CD164: variants seen among roughly 807,000 people sequenced by gnomAD.
The protein encoded by CD164 is sialomucin core protein 24.
CD164 carries 11 observed loss-of-function variants against 24.6 expected under a neutral mutation model. That is an observed-to-expected ratio of 0.45 (90% confidence interval 0.28 to 0.74). The LOEUF is 0.74. Among genes scored for constraint, CD164 ranks in the 30% least tolerant of loss-of-function variants. The pLI is 0.13. For missense variants in CD164, 295 were observed against 243.7 expected (o/e 1.21, Z -1.40); for synonymous variants, 126 against 100.3 (o/e 1.26, Z -1.53).
chr6:109,374,301 C>G (rs1771274743), intron 4 of CD164, among the ~76,000 whole-genome samples: 1 of 152,182 alleles, frequency 6.6e-6, no homozygotes, highest in Non-Finnish European at 1.5e-5. Flanking sequence ...TTCTAGGTAT[C>G]TTAAACTAAA....
At position 109,378,083 on chromosome 6, in the gene CD164, AG is replaced by A; in HGVS notation, c.260-113del. ...AAACCCAAACACTTTAGAAGTGGGC[AG>A]GGGGAACCACTTTAGGTGTTTTGAC... On this transcript the variant is annotated intron_variant, in intron 2 of 5. Coordinates refer to ENST00000310786, the MANE Select transcript of CD164 (RefSeq NM_006016.6). 3.7e-6 allele frequency: 3 copies of A among 812,638 alleles called. No individual in the cohort carries two copies. The South Asian group carries it at 4.7e-5, about 13-fold the overall frequency. The allele number at this position is 812,638 out of a possible 1,614,324, so 50.3% of individuals were successfully genotyped here. A position where few individuals can be genotyped will look rare whatever the true frequency, so the allele number is the denominator to read the frequency against.
intron 4 of CD164, chr6:109,371,850 T>C (rs1376200841): frequency 1.3e-5 from 2 of 152,530 alleles, no homozygotes; most frequent in Non-Finnish European, 2.9e-5. Context: ...AGGGCTTCAA[T>C]ATGAGGATAT....
Position 109,379,682 on chromosome 6 carries a change from G to C in CD164, c.176-20C>G. ...AGGTTTCTGGGGAGTTGGGGGGAGA[G>C]ATGCATGAAATCAATGATTTTATTA... On this transcript the variant is annotated intron_variant, in intron 1 of 5. Transcript: ENST00000310786. 2 of 1,575,130 alleles carry C rather than the reference G, an allele frequency of 1.3e-6. No individual in the cohort carries two copies. The highest frequency in any genetic ancestry group is 1.7e-6 in the Non-Finnish European group (2 of 1,150,426).
At chr6:109,369,727 G>A (rs894187403) in intron 5 of CD164, among the ~76,000 whole-genome samples, 2 of 152,030 alleles carry the variant, frequency 1.3e-5, no homozygotes, top group Non-Finnish European at 2.9e-5. Context: ...ATTCCTTCTC[G>A]TGAAGACAGA....
chr6:109,376,013 A>T (rs574817915), intron 4 of CD164, 61 bp downstream of exon 4: 1 of 1,224,088 alleles, frequency 8.2e-7, no homozygotes, highest in East Asian at 2.5e-5. Flanking sequence ...TTTAAAACTA[A>T]TCCATCAAGA....
rs1771773031 is a variant in CD164, at chr6:109,381,906, G to A, written c.175+298C>T. ...CACGTCCCCATTTCCGACCCCAAGT[G>A]AGGCTAGGAATTACGATGCACTTTT... On this transcript the variant is annotated intron_variant, in intron 1 of 5. Transcript: ENST00000310786. 6.4e-6 allele frequency: 3 copies of A among 466,060 alleles called. 1 individual carries two copies. The highest frequency in any genetic ancestry group is 6.0e-5 in the South Asian group (2 of 33,430). The allele number at this position is 466,060 out of a possible 1,614,324, so 28.9% of individuals were successfully genotyped here.
chr6:109,372,806 CA>C (rs563530958), intron 4 of CD164: 221 of 152,184 alleles, frequency 1.5e-3, no homozygotes, highest in African/African-American at 5.2e-3. Flanking sequence ...ACACTATTAC[CA>C]ATTGTTTGAC....
intron 4 of CD164, among the ~76,000 whole-genome samples, chr6:109,375,650 CA>C (rs1771359793): frequency 7.2e-6 from 1 of 138,564 alleles, no homozygotes; most frequent in Non-Finnish European, 1.5e-5. Context: ...AAAAGAAATA[CA>C]AAGGTGCATG....
intron 4 of CD164, chr6:109,370,729 G>A: frequency 5.9e-6 from 2 of 336,906 alleles, no homozygotes; most frequent in African/African-American, 2.2e-5. Context: ...TATACATCTG[G>A]ATAAAATTTG....
Position 109,368,780 on chromosome 6 carries a change from A to T in CD164, c.*71T>A. The T allele has an allele frequency of 6.5e-7, 1 of 1,533,940 alleles. No homozygotes were observed. Among genetic ancestry groups the T allele is most frequent in the South Asian group, 1.3e-5 (1 of 76,396 alleles). On this transcript the variant is annotated 3_prime_UTR_variant, in exon 6 of 6. Coordinates refer to ENST00000310786, the MANE Select transcript of CD164 (RefSeq NM_006016.6). ...TAGCGTCTTCCATGTGGGACATCTTAAAAGATAGTATTTTGGCTTCAGTGA... is the reference window on the plus strand; with the variant it reads ...TAGCGTCTTCCATGTGGGACATCTTTAAAGATAGTATTTTGGCTTCAGTGA...
chr6:109,381,353 C>T lies in CD164; in HGVS notation c.175+851G>A, dbSNP rs955683171. 9.9e-6 allele frequency: 6 copies of T among 606,522 alleles called. No individual in the cohort carries two copies. In the Admixed American group the frequency reaches 1.7e-4, roughly 17 times the overall value. 37.6% of individuals were successfully genotyped at this position (606,522 alleles called of 1,614,324 possible). A position where few individuals can be genotyped will look rare whatever the true frequency, so the allele number is the denominator to read the frequency against. On this transcript the variant is annotated intron_variant, in intron 1 of 5. Transcript: ENST00000310786. Reference sequence around the variant, plus strand: ...AAACCCACAGACCTGGGCACAAACCCCCGTTCCACGACCTACTAAACATAC... The same window carrying T: ...AAACCCACAGACCTGGGCACAAACCTCCGTTCCACGACCTACTAAACATAC...
chr6:109,381,542 G>C (rs1280418208), intron 1 of CD164: 1 of 702,514 alleles, frequency 1.4e-6, no homozygotes, highest in South Asian at 1.5e-5. Flanking sequence ...CAAAACACCC[G>C]GTACATACAT....
Position 109,376,046 on chromosome 6 carries a change from A to G in CD164, c.370+28T>C, listed in dbSNP as rs746881253. 6 of 1,535,466 alleles carry G rather than the reference A, an allele frequency of 3.9e-6. No individual in the cohort carries two copies. In the South Asian group the frequency reaches 7.4e-5, roughly 19 times the overall value. ...AGAAAGCTTAAAAATACTGAAGGAAAAGGAAGAAAACAGTCATCTTGAATT... is the reference window on the plus strand; with the variant it reads ...AGAAAGCTTAAAAATACTGAAGGAAGAGGAAGAAAACAGTCATCTTGAATT... On this transcript the variant is annotated intron_variant, in intron 4 of 5. Transcript: ENST00000310786.
intron 4 of CD164, among the ~76,000 whole-genome samples, chr6:109,374,568 A>AT (rs1771288999): frequency 6.6e-6 from 1 of 152,184 alleles, no homozygotes; most frequent in East Asian, 1.9e-4. Flanking sequence ...CAATGCCAGA[A>AT]TAAGTTGTTT....
chr6:109,378,361 C>T (rs1042711722), intron 2 of CD164, among the ~76,000 whole-genome samples: 1 of 151,952 alleles, frequency 6.6e-6, no homozygotes, highest in Non-Finnish European at 1.5e-5. Flanking sequence ...GTGGGAAGAT[C>T]ACCTGAGGTC....
intron 5 of CD164, among the ~76,000 whole-genome samples, 190 bp downstream of exon 5, chr6:109,370,221 G>C (rs1582468832): frequency 1.3e-5 from 2 of 152,286 alleles, no homozygotes; most frequent in East Asian, 3.9e-4. Context: ...TTAAAAATGA[G>C]AAGAGGAATC....
intron 1 of CD164, among the ~76,000 whole-genome samples, chr6:109,380,963 A>AT (rs1225327234): frequency 1.3e-5 from 2 of 152,256 alleles, no homozygotes; most frequent in Non-Finnish European, 2.9e-5. Context: ...CTTAAACTAA[A>AT]AACAAAACAT....
intron 1 of CD164, chr6:109,380,611 T>A (rs1233537608): frequency 6.6e-6 from 1 of 152,222 alleles, no homozygotes; most frequent in Non-Finnish European, 1.5e-5. Flanking sequence ...AGATAAAACA[T>A]GCTGTTTAAA....
chr6:109,370,385 T>C (rs768132964), intron 5 of CD164, 26 bp downstream of exon 5: 114 of 1,568,898 alleles, frequency 7.3e-5, no homozygotes, highest in African/African-American at 1.6e-4. Context: ...TCCTGCATCA[T>C]TGCTAATCTA....
Sources: gnomAD v4.1 joint callset for allele counts (sites outside exome capture counted in the v4.1 genomes callset) on GRCh38, gnomAD v4.1.1 for gene constraint, MANE v1.5 for transcripts, NCBI Gene and HGNC (gene_info 2026-07-23, HGNC 2026-07-21) for gene names.